Variants in ULK4 observed in about 807,000 individuals in gnomAD.
The protein encoded by ULK4 is inactive serine/threonine-protein kinase ULK4.
In ULK4, 133 loss-of-function variants were observed where a neutral mutation model predicts 160.6. The ratio of observed to expected loss-of-function variants is 0.83; its 90% CI spans 0.72 to 0.96. ULK4 has a LOEUF of 0.96. ULK4 is among the 40% of genes least tolerant of loss of function. ULK4 has a pLI of 0.00. For missense variants in ULK4, 1,580 were observed against 1,499.5 expected, an observed-to-expected ratio of 1.05 and a Z score of -0.89; for synonymous variants, 534 against 539.8, an observed-to-expected ratio of 0.99 and a Z score of 0.15.
At chr3:41,425,232 CA>C (rs2082751913) in intron 34 of ULK4, among the ~76,000 whole-genome samples, 1 of 151,818 alleles carries the variant, frequency 6.6e-6, no homozygotes, top group Non-Finnish European at 1.5e-5. Flanking sequence ...ATAAGACAGG[CA>C]GACAAGATTA....
intron 29 of ULK4, among the ~76,000 whole-genome samples, chr3:41,673,691 T>A (rs957490726): frequency 7.5e-5 from 11 of 147,212 alleles, no homozygotes; most frequent in African/African-American, 2.9e-4. Flanking sequence ...TATATATACA[T>A]ACATACATAT....
chr3:41,351,498 C>G (rs1447082955), intron 35 of ULK4, among the ~76,000 whole-genome samples: 1 of 152,200 alleles, frequency 6.6e-6, no homozygotes. Context: ...TTCTGAAATA[C>G]TGAAAATTAG....
At chr3:41,387,708 C>A (rs987846718) in intron 35 of ULK4, among the ~76,000 whole-genome samples, 3 of 152,088 alleles carry the variant, frequency 2.0e-5, no homozygotes, top group African/African-American at 7.2e-5. Context: ...TGAACTCATC[C>A]TTTTTTATGG....
chr3:41,456,222 T>C (rs1363837456), intron 33 of ULK4, among the ~76,000 whole-genome samples: 2 of 152,182 alleles, frequency 1.3e-5, no homozygotes, highest in African/African-American at 4.8e-5. Context: ...AAGTGCTTTA[T>C]CTTAACCATC....
intron 20 of ULK4, among the ~76,000 whole-genome samples, chr3:41,797,786 G>A (rs2040346407): frequency 6.6e-6 from 1 of 151,994 alleles, no homozygotes; most frequent in African/African-American, 2.4e-5. Flanking sequence ...GCCTGAAACT[G>A]GGAGGAAGAG....
chr3:41,246,978 C>T lies in ULK4; in HGVS notation c.3779G>A (p.Ser1260Asn), dbSNP rs12488691. ...TTCCAGGGCCAAGGGAGCCACCGCA[C>T]TGTCGGCAAATGAACTGTAAGAAAA... ...LAPGSGSFAD[S>N]AVAPLALEIL... The change falls in exon 37 of 37, where the codon AGT becomes AAT. Residue 1260 changes from serine (S) to asparagine (N), a missense_variant. By Grantham distance (46) the Ser-to-Asn change is conservative. Coordinates refer to ENST00000301831, the MANE Select transcript of ULK4 (RefSeq NM_017886.4). 2.5e-4 allele frequency: 397 copies of T among 1,613,830 alleles called. 2 individuals carry two copies. In the Admixed American group the frequency reaches 6.6e-3, roughly 27 times the overall value.
chr3:41,931,909 G>A lies in ULK4; in HGVS notation c.476C>T (p.Ala159Val), dbSNP rs1699616987. 6.2e-7 allele frequency: 1 copy of A among 1,613,872 alleles called. No individual in the cohort carries two copies. The highest frequency in any genetic ancestry group is 1.1e-5 in the South Asian group (1 of 91,064). Residue 159 changes from alanine (A) to valine (V), a missense_variant, in exon 5 of 37, where the codon GCA becomes GTA. Ala to Val is a moderately conservative substitution (Grantham distance 64, BLOSUM62 0). Coordinates refer to ENST00000301831, the MANE Select transcript of ULK4 (RefSeq NM_017886.4). The stretch of plus-strand genomic sequence containing the variant: ...CCCATTATCACCTCCTCCTTCCTCT[G>A]CTGCCACCAAAGCAAAGAACTCTTC... Reference protein sequence around the residue: ...NLEEFFALVAAEEGGGDNGEN... With the variant: ...NLEEFFALVAVEEGGGDNGEN...
At chr3:41,315,158 G>A (rs559566860) in intron 35 of ULK4, among the ~76,000 whole-genome samples, 10 of 152,218 alleles carry the variant, frequency 6.6e-5, no homozygotes, top group African/African-American at 2.4e-4. Context: ...CTTATTAGAA[G>A]ACAGATTCTC....
At chr3:41,386,984 ACT>A (rs2081828541) in intron 35 of ULK4, among the ~76,000 whole-genome samples, 2 of 151,990 alleles carry the variant, frequency 1.3e-5, no homozygotes, top group South Asian at 4.2e-4. Flanking sequence ...GCTATAAATG[ACT>A]CTGTTCCACT....
intron 22 of ULK4, among the ~76,000 whole-genome samples, chr3:41,745,257 A>G (rs867000404): frequency 6.6e-6 from 1 of 151,592 alleles, no homozygotes; most frequent in South Asian, 2.1e-4. Flanking sequence ...TGGTCACTCA[A>G]TCTCTAGCAA....
At chr3:41,841,416 C>A (rs1022884198) in intron 17 of ULK4, among the ~76,000 whole-genome samples, 1 of 150,524 alleles carries the variant, frequency 6.6e-6, no homozygotes, top group Non-Finnish European at 1.5e-5. Context: ...AGCGCCTGTG[C>A]CCGGCCGCCC....
chr3:41,798,237 C>CT (rs1168860691), intron 20 of ULK4, among the ~76,000 whole-genome samples: 1 of 152,086 alleles, frequency 6.6e-6, no homozygotes, highest in Non-Finnish European at 1.5e-5. Context: ...ATAATGTTAT[C>CT]TTTATAAAGT....
At chr3:41,955,966 G>C (rs1340296804) in intron 1 of ULK4, among the ~76,000 whole-genome samples, 7 of 152,196 alleles carry the variant, frequency 4.6e-5, no homozygotes, top group African/African-American at 1.7e-4. Flanking sequence ...TGAGGCAGGA[G>C]AACAGGGTCT....
At chr3:41,248,435 G>C (rs2078684405) in intron 36 of ULK4, among the ~76,000 whole-genome samples, 1 of 152,128 alleles carries the variant, frequency 6.6e-6, no homozygotes, top group African/African-American at 2.4e-5. Flanking sequence ...AGAAAACCAT[G>C]AATACGAACT....
Position 41,642,348 on chromosome 3 carries a change from C to A in ULK4, c.3071+21259G>T, listed in dbSNP as rs1038418943. Among the ~76,000 whole-genome samples, 5 of 152,044 alleles carry A rather than the reference C, an allele frequency of 3.3e-5. 1 individual carries two copies. Among genetic ancestry groups the A allele is most frequent in the Admixed American group, 6.5e-5 (1 of 15,278 alleles). On this transcript the variant is annotated intron_variant, in intron 30 of 36. Coordinates refer to ENST00000301831, the MANE Select transcript of ULK4 (RefSeq NM_017886.4). ...ATGCTATCCCTCCCTACTCCCCCCA[C>A]CCCACAACAGTCCCCAGAGAGTGAT...
At chr3:41,293,857 T>A (rs1182043181) in intron 35 of ULK4, among the ~76,000 whole-genome samples, 1 of 152,186 alleles carries the variant, frequency 6.6e-6, no homozygotes, top group East Asian at 1.9e-4. Flanking sequence ...CATGGAAGGC[T>A]TCATGGCAAA....
intron 32 of ULK4, among the ~76,000 whole-genome samples, chr3:41,510,199 C>T (rs1252521883): frequency 6.6e-6 from 1 of 152,122 alleles, no homozygotes. Context: ...TCAGACAAAA[C>T]AAACATTAAA....
At chr3:41,634,948 A>G (rs1358643763) in intron 30 of ULK4, among the ~76,000 whole-genome samples, 1 of 152,232 alleles carries the variant, frequency 6.6e-6, no homozygotes, top group Non-Finnish European at 1.5e-5. Flanking sequence ...ATCTCAGGGC[A>G]TATCAACACT....
intron 2 of ULK4, among the ~76,000 whole-genome samples, chr3:41,950,186 A>C (rs1700242634): frequency 6.6e-6 from 1 of 151,846 alleles, no homozygotes; most frequent in Admixed American, 6.6e-5. Context: ...ATCCAGGCTC[A>C]AACAATCCTC....
Sources: gnomAD v4.1 joint callset for allele counts (sites outside exome capture counted in the v4.1 genomes callset) on GRCh38, gnomAD v4.1.1 for gene constraint, MANE v1.5 for transcripts, NCBI Gene and HGNC (gene_info 2026-07-23, HGNC 2026-07-21) for gene names.